PIK3CB: variants seen among roughly 807,000 people sequenced by gnomAD.
PIK3CB encodes phosphatidylinositol 4,5-bisphosphate 3-kinase catalytic subunit beta isoform.
Under a neutral mutation model 136.8 loss-of-function variants are expected in PIK3CB, and 39 were observed. That is an observed-to-expected ratio of 0.29 (90% CI 0.22 to 0.37). The LOEUF (loss-of-function observed/expected upper bound fraction) is 0.37, where lower values mean the gene tolerates loss of function less well. PIK3CB is among the 10% of genes least tolerant of loss of function. PIK3CB has a pLI of 1.00. For synonymous variants in PIK3CB, 428 were observed against 436.6 expected (o/e 0.98, Z 0.25); for missense variants, 868 against 1,275.4 (o/e 0.68, Z 4.87).
intron 2 of PIK3CB, among the ~76,000 whole-genome samples, chr3:138,763,121 A>AGTATGTATGTATATATGTAT (rs2045684979): frequency 2.0e-5 from 3 of 149,534 alleles, no homozygotes; most frequent in Admixed American, 6.7e-5. Context: ...AATGAAAGTT[A>AGTATGTATGTATATATGTAT]GTATGTATGT....
intron 1 of PIK3CB, among the ~76,000 whole-genome samples, chr3:138,806,895 C>T (rs1467685325): frequency 1.3e-5 from 2 of 152,190 alleles, no homozygotes; most frequent in African/African-American, 4.8e-5. Context: ...GCTTACTCTC[C>T]ATAATAAACT....
intron 1 of PIK3CB, among the ~76,000 whole-genome samples, chr3:138,828,783 C>A (rs1206321042): frequency 6.6e-5 from 10 of 151,132 alleles, no homozygotes; most frequent in Non-Finnish European, 1.5e-4. Context: ...AAAATTTTAT[C>A]TTTTATTTTT....
Position 138,704,479 on chromosome 3 carries a change from T to C in PIK3CB, c.1545A>G (p.Ala515=). Residue 515 remains alanine, a synonymous_variant, in exon 12 of 24, where the codon GCA becomes GCG. Coordinates refer to ENST00000674063, the MANE Select transcript of PIK3CB (RefSeq NM_006219.3). ...CACTATCACTGCTTGCAATCTCAGC[T>C]GCCTTTTCAATAATCTGTTTAAAAA... The part of the protein sequence containing the change: ...YPPFDKIIEK[A]AEIASSDSAN... 6.2e-7 allele frequency: 1 copy of C among 1,607,030 alleles called. No individual in the cohort carries two copies. Among genetic ancestry groups the C allele is most frequent in the Non-Finnish European group, 8.5e-7 (1 of 1,173,636 alleles).
intron 10 of PIK3CB, 22 bp downstream of exon 10, chr3:138,712,186 A>G: frequency 8.3e-7 from 1 of 1,206,664 alleles, no homozygotes. Context: ...TTTAACACTA[A>G]GGATAAGAAT....
intron 19 of PIK3CB, among the ~76,000 whole-genome samples, chr3:138,677,412 G>C (rs1356887725): frequency 6.6e-6 from 1 of 151,992 alleles, no homozygotes; most frequent in Non-Finnish European, 1.5e-5. Context: ...CCGGAGTGAG[G>C]GAGTATGGTA....
chr3:138,807,584 C>T (rs1005760505), intron 1 of PIK3CB, among the ~76,000 whole-genome samples: 2 of 151,784 alleles, frequency 1.3e-5, no homozygotes, highest in Admixed American at 1.3e-4. Flanking sequence ...TGTTGTGCAG[C>T]TATAAAAAGA....
chr3:138,784,165 C>G (rs1041166069), intron 2 of PIK3CB, among the ~76,000 whole-genome samples: 9 of 152,160 alleles, frequency 5.9e-5, no homozygotes, highest in Non-Finnish European at 8.8e-5. Flanking sequence ...ACAAGTGGAT[C>G]ACCTGAGGTC....
chr3:138,793,230 A>G (rs2046072834), intron 2 of PIK3CB, among the ~76,000 whole-genome samples: 2 of 152,216 alleles, frequency 1.3e-5, no homozygotes, highest in Non-Finnish European at 1.5e-5. Context: ...GTTGATAGTG[A>G]CTGGTTATCT....
chr3:138,694,898 G>A lies in PIK3CB; in HGVS notation c.1780C>T (p.Leu594=). Residue 594 remains leucine, a synonymous_variant, in exon 14 of 24, where the codon CTG becomes TTG. Transcript: ENST00000674063. The stretch of plus-strand genomic sequence containing the variant: ...GGCAGTTTAGGCCAAATCTGAAGCA[G>A]CGCCTGAAGCTGTTTAAAAAATGAA... ...KLEDVAQLQA[L]LQIWPKLPPR... 6.3e-7 allele frequency: 1 copy of A among 1,587,446 alleles called. No individual in the cohort carries two copies. Among genetic ancestry groups the A allele is most frequent in the Non-Finnish European group, 8.5e-7 (1 of 1,172,100 alleles).
At chr3:138,708,270 T>C (rs866615650) in intron 10 of PIK3CB, among the ~76,000 whole-genome samples, 4 of 143,844 alleles carry the variant, frequency 2.8e-5, no homozygotes, top group Non-Finnish European at 4.6e-5. Context: ...TTTCTTTTTT[T>C]TTTTTTTTTT....
At chr3:138,824,449 A>G (rs1933692655) in intron 1 of PIK3CB, among the ~76,000 whole-genome samples, 1 of 152,146 alleles carries the variant, frequency 6.6e-6, no homozygotes, top group African/African-American at 2.4e-5. Context: ...CTCCCAGTTA[A>G]AGGGTCAACC....
chr3:138,731,079 T>C (rs1448689035), intron 8 of PIK3CB, among the ~76,000 whole-genome samples: 1 of 152,140 alleles, frequency 6.6e-6, no homozygotes, highest in Non-Finnish European at 1.5e-5. Flanking sequence ...AACAAACCAT[T>C]TGACAAATCA....
At chr3:138,659,035 T>C (rs2043239805) in intron 21 of PIK3CB, among the ~76,000 whole-genome samples, 1 of 152,210 alleles carries the variant, frequency 6.6e-6, no homozygotes, top group African/African-American at 2.4e-5. Context: ...CATTCTCTTT[T>C]GGTTGAGACC....
intron 2 of PIK3CB, among the ~76,000 whole-genome samples, 173 bp downstream of exon 2, chr3:138,796,290 C>A (rs926590115): frequency 1.4e-5 from 2 of 147,872 alleles, no homozygotes; most frequent in Non-Finnish European, 3.0e-5. Flanking sequence ...GAGGCTGAGG[C>A]AGGAGAATTG....
At chr3:138,738,564 T>C (rs1245278892) in intron 5 of PIK3CB, among the ~76,000 whole-genome samples, 1 of 151,974 alleles carries the variant, frequency 6.6e-6, no homozygotes, top group African/African-American at 2.4e-5. Context: ...AATTAAACCA[T>C]AAATTAGCAA....
intron 19 of PIK3CB, among the ~76,000 whole-genome samples, chr3:138,665,866 G>GAGCAGCAAA (rs1438055149): frequency 6.6e-6 from 1 of 152,172 alleles, no homozygotes; most frequent in Non-Finnish European, 1.5e-5. Flanking sequence ...CACCACATCA[G>GAGCAGCAAA]AGCAGCAAAA....
intron 12 of PIK3CB, among the ~76,000 whole-genome samples, chr3:138,700,082 T>G (rs1042745616): frequency 6.6e-6 from 1 of 152,012 alleles, no homozygotes; most frequent in African/African-American, 2.4e-5. Context: ...AATAGCTAGG[T>G]ATAGTGGCAT....
intron 1 of PIK3CB, among the ~76,000 whole-genome samples, chr3:138,812,504 G>A (rs1023143227): frequency 6.6e-6 from 1 of 151,542 alleles, no homozygotes; most frequent in African/African-American, 2.4e-5. Flanking sequence ...CAAAGTGTTG[G>A]GATTACAGGC....
At chr3:138,813,305 T>C (rs1933159856) in intron 1 of PIK3CB, among the ~76,000 whole-genome samples, 1 of 152,112 alleles carries the variant, frequency 6.6e-6, no homozygotes, top group South Asian at 2.1e-4. Flanking sequence ...ACTTAAGTGA[T>C]ACAGTTCCCA....
Sources: gnomAD v4.1 joint callset for allele counts (sites outside exome capture counted in the v4.1 genomes callset) on GRCh38, gnomAD v4.1.1 for gene constraint, MANE v1.5 for transcripts, NCBI Gene and HGNC (gene_info 2026-07-23, HGNC 2026-07-21) for gene names.